ARHGAP20: variants seen among roughly 807,000 people sequenced by gnomAD.
ARHGAP20 encodes Rho GTPase activating protein 20, also known as rho GTPase-activating protein 20.
Under a neutral mutation model 73.7 loss-of-function variants are expected in ARHGAP20, and 34 were observed. That is an observed-to-expected ratio of 0.46 (90% CI 0.35 to 0.61). The LOEUF is 0.61. ARHGAP20 is among the 20% of genes least tolerant of loss of function. The pLI is 0.00. For synonymous variants in ARHGAP20, 523 were observed against 518.2 expected (o/e 1.01, Z -0.13); for missense variants, 1,314 against 1,420.9 (o/e 0.92, Z 1.21).
chr11:110,647,430 C>T (rs1321309749), intron 2 of ARHGAP20, among the ~76,000 whole-genome samples: 1 of 151,922 alleles, frequency 6.6e-6, no homozygotes, highest in Non-Finnish European at 1.5e-5. Context: ...GAAGATAGGA[C>T]AGACAAGGGT....
rs780534279 is a variant in ARHGAP20 at position 110,624,142 on chromosome 11, G to A, written c.503+20C>T. ...ATAGTAGCTAACCCAGGTAAATAGAGGACAAGCTGTGGTTCTTACCTGAAA... is the reference window on the plus strand; with the variant it reads ...ATAGTAGCTAACCCAGGTAAATAGAAGACAAGCTGTGGTTCTTACCTGAAA... On this transcript the variant is annotated intron_variant, in intron 4 of 14. Transcript: ENST00000683387. 3 of 1,604,874 alleles carry A rather than the reference G, an allele frequency of 1.9e-6. No homozygotes were observed. Among genetic ancestry groups the A allele is most frequent in the Admixed American group, 3.5e-5 (2 of 57,490 alleles).
intron 3 of ARHGAP20, 36 bp from the exon 4 acceptor site, chr11:110,624,347 TTTTG>T: frequency 6.8e-7 from 1 of 1,477,106 alleles, no homozygotes; most frequent in Non-Finnish European, 9.0e-7. Flanking sequence ...CCTTTTGTTA[TTTTG>T]TTTCTTAAAT....
intron 1 of ARHGAP20, among the ~76,000 whole-genome samples, chr11:110,699,549 G>A (rs748579494): frequency 6.6e-6 from 1 of 151,844 alleles, no homozygotes; most frequent in Non-Finnish European, 1.5e-5. Flanking sequence ...TTTCTTAGGT[G>A]TAGTAGTATT....
chr11:110,661,090 C>T (rs538002952), intron 2 of ARHGAP20, among the ~76,000 whole-genome samples: 18 of 152,336 alleles, frequency 1.2e-4, no homozygotes, highest in African/African-American at 4.3e-4. Flanking sequence ...GTTATTCCAT[C>T]TGTTCAGTGT....
chr11:110,665,960 G>A (rs1484985022), intron 2 of ARHGAP20, among the ~76,000 whole-genome samples: 1 of 146,850 alleles, frequency 6.8e-6, no homozygotes, highest in Non-Finnish European at 1.5e-5. Flanking sequence ...TATGGTCACT[G>A]GATACAAGAT....
intron 2 of ARHGAP20, among the ~76,000 whole-genome samples, chr11:110,657,101 T>G (rs1017278273): frequency 6.6e-6 from 1 of 152,216 alleles, no homozygotes; most frequent in African/African-American, 2.4e-5. Flanking sequence ...TTATATAGCC[T>G]TTATTCATTG....
rs142490183 is a variant in ARHGAP20 at position 110,687,035 on chromosome 11, C to CATAT, written c.188+3508_188+3511dup. Among the ~76,000 whole-genome samples, 578 of 121,994 alleles carry CATAT rather than the reference C, an allele frequency of 4.7e-3. 31 individuals carry two copies. Among genetic ancestry groups the CATAT allele is most frequent in the African/African-American group, 0.013 (399 of 29,778 alleles). The allele number at this position is 121,994 out of a possible 152,430, so 80.0% of individuals were successfully genotyped here. A position where few individuals can be genotyped will look rare whatever the true frequency, so the allele number is the denominator to read the frequency against. ...GCAGGAAATTAACTGAAGATTAAAACATATATATATATATATATATAGACA... is the reference window on the plus strand; with the variant it reads ...GCAGGAAATTAACTGAAGATTAAAACATATATATATATATATATATATATAGACA... On this transcript the variant is annotated intron_variant, in intron 2 of 14. Transcript: ENST00000683387.
chr11:110,592,139 T>C lies in ARHGAP20; in HGVS notation c.981A>G (p.Thr327=), dbSNP rs1476378508. ...TTATGATAGATCTTCTCCTTTTAAA[T>C]GTCTTATGACCTGAATCTAAGGAAG... ...AQQLSDSGHK[T]FKRRRSIINW... The change falls in exon 10 of 15, where the codon ACA becomes ACG. Residue 327 remains threonine, a synonymous_variant. Transcript: ENST00000683387. 1.2e-6 allele frequency: 2 copies of C among 1,614,008 alleles called. No homozygotes were observed. The highest frequency in any genetic ancestry group is 1.7e-6 in the Non-Finnish European group (2 of 1,179,908).
At chr11:110,705,662 TGAGCA>T (rs1950540452) in intron 1 of ARHGAP20, among the ~76,000 whole-genome samples, 1 of 152,162 alleles carries the variant, frequency 6.6e-6, no homozygotes, top group Non-Finnish European at 1.5e-5. Flanking sequence ...ACATTTTAAG[TGAGCA>T]TAACTATGGA....
At chr11:110,633,230 T>G (rs1948894488) in intron 2 of ARHGAP20, among the ~76,000 whole-genome samples, 1 of 152,182 alleles carries the variant, frequency 6.6e-6, no homozygotes, top group Non-Finnish European at 1.5e-5. Context: ...ACCAAAGACT[T>G]GGTGCTTACT....
intron 2 of ARHGAP20, among the ~76,000 whole-genome samples, chr11:110,637,317 G>A (rs11604632): frequency 0.19 from 28,225 of 151,958 alleles, 2,851 homozygotes; most frequent in East Asian, 0.31. Flanking sequence ...GATAGGATCT[G>A]GATAACCTTA....
rs1947359874 is a variant in ARHGAP20 at position 110,579,015 on chromosome 11, T to TG, written c.*354_*355insC. The TG allele has an allele frequency of 1.0e-6, 1 of 1,000,150 alleles. No homozygotes were observed. The highest frequency in any genetic ancestry group is 5.3e-5 in the Admixed American group (1 of 18,864). 62.0% of individuals were successfully genotyped at this position (1,000,150 alleles called of 1,614,324 possible). On this transcript the variant is annotated 3_prime_UTR_variant, in exon 15 of 15. Coordinates refer to ENST00000683387, the MANE Select transcript of ARHGAP20 (RefSeq NM_001384657.1). ...TCTCTCCTCAGGCCCCTATTCCTCATTCCTGATATCTTGGTCTTCTCAGGA... is the reference window on the plus strand; with the variant it reads ...TCTCTCCTCAGGCCCCTATTCCTCATGTCCTGATATCTTGGTCTTCTCAGGA...
intron 2 of ARHGAP20, among the ~76,000 whole-genome samples, chr11:110,678,795 G>T (rs1308664786): frequency 6.6e-6 from 1 of 151,914 alleles, no homozygotes; most frequent in African/African-American, 2.4e-5. Context: ...TGAGTAGCTG[G>T]GACTACAAGG....
At chr11:110,667,598 A>G (rs994815581) in intron 2 of ARHGAP20, among the ~76,000 whole-genome samples, 1 of 152,220 alleles carries the variant, frequency 6.6e-6, no homozygotes, top group Non-Finnish European at 1.5e-5. Context: ...GGATCAAGAA[A>G]TAATTTTGAC....
At chr11:110,655,959 G>A (rs1949457466) in intron 2 of ARHGAP20, among the ~76,000 whole-genome samples, 3 of 152,138 alleles carry the variant, frequency 2.0e-5, no homozygotes, top group Admixed American at 2.0e-4. Context: ...TTTCTCATAC[G>A]AGACATGAGA....
intron 2 of ARHGAP20, among the ~76,000 whole-genome samples, chr11:110,677,498 A>G (rs1444641683): frequency 6.6e-6 from 1 of 152,124 alleles, no homozygotes; most frequent in East Asian, 1.9e-4. Flanking sequence ...TACAAAAATT[A>G]GCCAGGTGTG....
chr11:110,613,631 A>G (rs1475370533), intron 6 of ARHGAP20, among the ~76,000 whole-genome samples: 1 of 152,168 alleles, frequency 6.6e-6, no homozygotes, highest in Non-Finnish European at 1.5e-5. Flanking sequence ...CAACTGAATC[A>G]AAGCAGACAG....
chr11:110,702,696 C>T (rs1391722984), intron 1 of ARHGAP20, among the ~76,000 whole-genome samples: 4 of 152,142 alleles, frequency 2.6e-5, no homozygotes, highest in African/African-American at 9.7e-5. Flanking sequence ...TCTCAGGATA[C>T]AAAATCAATG....
intron 1 of ARHGAP20, among the ~76,000 whole-genome samples, chr11:110,704,080 T>A (rs946555415): frequency 2.0e-5 from 3 of 152,084 alleles, no homozygotes; most frequent in African/African-American, 7.2e-5. Flanking sequence ...GTGATCAAAT[T>A]CTAAAACCAT....
Sources: gnomAD v4.1 joint callset for allele counts (sites outside exome capture counted in the v4.1 genomes callset) on GRCh38, gnomAD v4.1.1 for gene constraint, MANE v1.5 for transcripts, NCBI Gene and HGNC (gene_info 2026-07-23, HGNC 2026-07-21) for gene names.